Variants in SPOCK3 observed in about 807,000 individuals in gnomAD.
SPOCK3 encodes the protein SPARC (osteonectin), cwcv and kazal like domains proteoglycan 3, also known as testican-3.
SPOCK3 carries 30 observed loss-of-function variants against 56.6 expected under a neutral mutation model. The ratio of observed to expected loss-of-function variants is 0.53; its 90% CI spans 0.40 to 0.72. SPOCK3 has a LOEUF of 0.72. Among genes scored for constraint, SPOCK3 ranks in the 30% least tolerant of loss-of-function variants. The pLI is 0.00. For synonymous variants in SPOCK3, 196 were observed against 183.3 expected (o/e 1.07, Z -0.56); for missense variants, 527 against 530.0 (o/e 0.99, Z 0.06).
chr4:166,869,536 A>G (rs942704431), intron 6 of SPOCK3, among the ~76,000 whole-genome samples: 1 of 151,966 alleles, frequency 6.6e-6, no homozygotes, highest in African/African-American at 2.4e-5. Context: ...TCACAGTGCC[A>G]TCTTTGTATT....
rs577063225 is a variant in SPOCK3, at chr4:167,146,509, T to C, written c.190-83972A>G. 2.0e-5 allele frequency among the ~76,000 whole-genome samples: 3 copies of C among 152,244 alleles called. No homozygotes were observed. In the South Asian group the frequency reaches 6.2e-4, roughly 32 times the overall value. ...CCACCCCAAATCAACAGAATATACA[T>C]TCTTCTCAGCACCACATCGCACTTA... On this transcript the variant is annotated intron_variant, in intron 2 of 10. Transcript: ENST00000357545.
chr4:166,925,187 A>G (rs1345651701), intron 4 of SPOCK3, among the ~76,000 whole-genome samples: 1 of 152,198 alleles, frequency 6.6e-6, no homozygotes, highest in East Asian at 1.9e-4. Context: ...CATTTGTATG[A>G]ACAATGAAAT....
intron 5 of SPOCK3, among the ~76,000 whole-genome samples, chr4:166,893,285 C>T (rs1200557075): frequency 6.6e-6 from 1 of 152,240 alleles, no homozygotes; most frequent in Admixed American, 6.6e-5. Flanking sequence ...TTCCATATTT[C>T]CCTTAGGAAT....
At chr4:167,077,906 G>A (rs116762882) in intron 2 of SPOCK3, among the ~76,000 whole-genome samples, 3,646 of 151,886 alleles carry the variant, frequency 0.024, 66 homozygotes, top group South Asian at 0.046. Context: ...GAGAGGAAAC[G>A]TGGCTTTAAT....
intron 6 of SPOCK3, among the ~76,000 whole-genome samples, chr4:166,878,769 C>A (rs142620034): frequency 6.6e-6 from 1 of 152,074 alleles, no homozygotes; most frequent in Non-Finnish European, 1.5e-5. Context: ...TAGGAGGCAG[C>A]AATCATCGCT....
At chr4:166,816,445 A>C (rs1288821839) in intron 6 of SPOCK3, among the ~76,000 whole-genome samples, 2 of 151,994 alleles carry the variant, frequency 1.3e-5, no homozygotes, top group African/African-American at 4.8e-5. Context: ...TTTGGCCCTG[A>C]GGATTTTTAA....
At chr4:166,998,421 T>C (rs1270412734) in intron 4 of SPOCK3, among the ~76,000 whole-genome samples, 5 of 152,092 alleles carry the variant, frequency 3.3e-5, no homozygotes, top group African/African-American at 1.2e-4. Flanking sequence ...TTAAGGAAGA[T>C]TTTTGCCTGT....
chr4:167,203,572 C>T (rs1232740347), intron 2 of SPOCK3, among the ~76,000 whole-genome samples: 1 of 145,610 alleles, frequency 6.9e-6, no homozygotes, highest in Non-Finnish European at 1.5e-5. Flanking sequence ...AAAAAAAAGA[C>T]AGAAAAGAAA....
intron 8 of SPOCK3, among the ~76,000 whole-genome samples, chr4:166,743,813 G>T (rs79862732): frequency 1.3e-5 from 2 of 152,104 alleles, no homozygotes; most frequent in African/African-American, 2.4e-5. Flanking sequence ...TATATCCTGC[G>T]CCTGGTTTGG....
intron 4 of SPOCK3, among the ~76,000 whole-genome samples, chr4:166,941,498 G>T (rs766216122): frequency 6.6e-6 from 1 of 151,998 alleles, no homozygotes; most frequent in Non-Finnish European, 1.5e-5. Context: ...GTGTTTTTTT[G>T]TAATACAGTG....
At chr4:167,106,045 C>T (rs919469903) in intron 2 of SPOCK3, among the ~76,000 whole-genome samples, 3 of 151,672 alleles carry the variant, frequency 2.0e-5, no homozygotes, top group Non-Finnish European at 3.0e-5. Flanking sequence ...AGTTTAACAC[C>T]CCACTTTCAG....
chr4:166,872,250 T>C (rs1273153648), intron 6 of SPOCK3, among the ~76,000 whole-genome samples: 1 of 152,010 alleles, frequency 6.6e-6, no homozygotes, highest in Non-Finnish European at 1.5e-5. Flanking sequence ...GTAGAAAGTA[T>C]ACATATAGGA....
At chr4:166,949,198 T>C (rs543740761) in intron 4 of SPOCK3, among the ~76,000 whole-genome samples, 5 of 152,348 alleles carry the variant, frequency 3.3e-5, no homozygotes, top group African/African-American at 9.6e-5. Flanking sequence ...CTCCATCAGC[T>C]CCTTTAAGCA....
At chr4:167,027,186 C>T (rs546828622) in intron 3 of SPOCK3, among the ~76,000 whole-genome samples, 1 of 151,936 alleles carries the variant, frequency 6.6e-6, no homozygotes, top group East Asian at 1.9e-4. Flanking sequence ...CACTGTAACA[C>T]CCTGAAAAAT....
chr4:166,855,958 A>C (rs1435536950), intron 6 of SPOCK3, among the ~76,000 whole-genome samples: 1 of 152,210 alleles, frequency 6.6e-6, no homozygotes. Flanking sequence ...CTAGTGGAAG[A>C]CTATTGAAAA....
chr4:166,940,611 TAAAA>T (rs1217800149), intron 4 of SPOCK3, among the ~76,000 whole-genome samples: 1 of 151,336 alleles, frequency 6.6e-6, no homozygotes, highest in African/African-American at 2.4e-5. Flanking sequence ...ATTGTAATAA[TAAAA>T]AACCCCTAGG....
At chr4:166,899,446 C>A (rs1266945250) in intron 5 of SPOCK3, among the ~76,000 whole-genome samples, 1 of 151,366 alleles carries the variant, frequency 6.6e-6, no homozygotes, top group Non-Finnish European at 1.5e-5. Flanking sequence ...ACACCTCTGT[C>A]AGAAGAGATG....
At chr4:167,097,559 T>C (rs1236459040) in intron 2 of SPOCK3, among the ~76,000 whole-genome samples, 2 of 151,936 alleles carry the variant, frequency 1.3e-5, no homozygotes, top group Non-Finnish European at 2.9e-5. Flanking sequence ...TAATTTCAAC[T>C]TTAATTTTTA....
At chr4:166,754,466 T>G (rs1357740389) in intron 8 of SPOCK3, 42 bp downstream of exon 8, 2 of 1,573,868 alleles carry the variant, frequency 1.3e-6, no homozygotes, top group Non-Finnish European at 1.7e-6. Context: ...AAATTTGACA[T>G]GCAGGTCAAC....
Sources: gnomAD v4.1 joint callset for allele counts (sites outside exome capture counted in the v4.1 genomes callset) on GRCh38, gnomAD v4.1.1 for gene constraint, MANE v1.5 for transcripts, NCBI Gene and HGNC (gene_info 2026-07-23, HGNC 2026-07-21) for gene names.